Variants in EVL observed in about 807,000 individuals in gnomAD.
EVL encodes the protein Enah/Vasp-like.
Under a neutral mutation model 59.6 loss-of-function variants are expected in EVL, and 21 were observed. The ratio of observed to expected loss-of-function variants is 0.35; its 90% CI spans 0.25 to 0.51. The LOEUF (loss-of-function observed/expected upper bound fraction) is 0.51, where lower values mean the gene tolerates loss of function less well. Ranked by LOEUF, EVL falls within the 20% of genes least tolerant of loss-of-function variation. The pLI is 0.97. For synonymous variants in EVL, 198 were observed against 203.5 expected, an observed-to-expected ratio of 0.97 and a Z score of 0.23; for missense variants, 462 against 546.6, an observed-to-expected ratio of 0.85 and a Z score of 1.54.
At chr14:99,993,053 A>T (rs1211154656) in intron 1 of EVL, among the ~76,000 whole-genome samples, 1 of 147,752 alleles carries the variant, frequency 6.8e-6, no homozygotes, top group Non-Finnish European at 1.5e-5. Context: ...GGTGGCGTAT[A>T]ATCCTTTTTT....
chr14:100,001,017 AG>A (rs2060943018), intron 1 of EVL, among the ~76,000 whole-genome samples: 1 of 152,134 alleles, frequency 6.6e-6, no homozygotes, highest in Admixed American at 6.5e-5. Flanking sequence ...CAGGTTGAGA[AG>A]TCTCATGTCC....
chr14:100,080,140 G>A (rs116487633), intron 1 of EVL, among the ~76,000 whole-genome samples: 1,855 of 151,436 alleles, frequency 0.012, 32 homozygotes, highest in African/African-American at 0.043. Flanking sequence ...AGGGGTGTCC[G>A]ATCTTTTGGC....
intron 1 of EVL, among the ~76,000 whole-genome samples, chr14:100,056,659 T>C (rs750608837): frequency 5.4e-4 from 82 of 152,212 alleles, no homozygotes; most frequent in Middle Eastern, 3.2e-3. Flanking sequence ...TGTGGTCTAC[T>C]TCTGCTGCGG....
At chr14:100,053,973 A>T (rs2061686854) in intron 1 of EVL, among the ~76,000 whole-genome samples, 1 of 151,686 alleles carries the variant, frequency 6.6e-6, no homozygotes. Flanking sequence ...TTTTATCACA[A>T]AAGGAAGTTC....
At chr14:100,052,346 T>A (rs951149298) in intron 1 of EVL, among the ~76,000 whole-genome samples, 1 of 152,254 alleles carries the variant, frequency 6.6e-6, no homozygotes, top group Non-Finnish European at 1.5e-5. Context: ...TAAATTGCAT[T>A]TATAAATTTA....
chr14:100,010,160 C>T (rs2140192012), intron 1 of EVL, among the ~76,000 whole-genome samples: 1 of 152,244 alleles, frequency 6.6e-6, no homozygotes, highest in East Asian at 1.9e-4. Context: ...AGAGACTTTG[C>T]AGGGCAATTT....
intron 2 of EVL, among the ~76,000 whole-genome samples, chr14:100,095,304 C>T (rs1305042739): frequency 6.6e-6 from 1 of 152,136 alleles, no homozygotes; most frequent in African/African-American, 2.4e-5. Flanking sequence ...ACTAGAAATG[C>T]AACACCAAAA....
chr14:100,094,113 C>A (rs1464821363), intron 2 of EVL, among the ~76,000 whole-genome samples: 1 of 151,754 alleles, frequency 6.6e-6, no homozygotes, highest in Non-Finnish European at 1.5e-5. Flanking sequence ...GCGGGGACTA[C>A]CATACTGGCA....
intron 1 of EVL, among the ~76,000 whole-genome samples, chr14:99,996,195 G>C (rs2060912575): frequency 6.6e-6 from 1 of 151,976 alleles, no homozygotes. Flanking sequence ...CTGTGCTGGG[G>C]AGAGGCTGTG....
chr14:100,097,507 A>C lies in EVL; in HGVS notation c.207A>C (p.Lys69Asn). ...QQVVINYSIV[K>N]GLKYNQATPT... is the part of the protein sequence containing the mutation. ...TTGTGATCAATTATTCAATCGTGAA[A>C]GGGCTGAAGTACAATCAGGCCACGC... The change falls in exon 3 of 14, where the codon AAA (lysine) becomes AAC (asparagine). Residue 69 changes from lysine to asparagine, a missense_variant. By Grantham distance (94) the Lys-to-Asn change is moderately conservative. Coordinates refer to ENST00000392920, the MANE Select transcript of EVL (RefSeq NM_016337.3). 6.2e-7 allele frequency: 1 copy of C among 1,610,500 alleles called. No homozygotes were observed. The highest frequency in any genetic ancestry group is 8.5e-7 in the Non-Finnish European group (1 of 1,178,676).
intron 3 of EVL, among the ~76,000 whole-genome samples, chr14:100,100,020 A>C (rs988532667): frequency 6.6e-6 from 1 of 151,630 alleles, no homozygotes; most frequent in Non-Finnish European, 1.5e-5. Flanking sequence ...AAAAAAAAAA[A>C]ACACTTTCAG....
chr14:100,073,822 A>ACCG, intron 1 of EVL, among the ~76,000 whole-genome samples: 1 of 152,330 alleles, frequency 6.6e-6, no homozygotes, highest in Admixed American at 6.5e-5. Context: ...TACTAGAGCT[A>ACCG]CCGAGATGAA....
chr14:99,972,088 G>A lies in EVL; in HGVS notation c.5+31G>A. 1 of 318,016 alleles carries A rather than the reference G, an allele frequency of 3.1e-6. No individual in the cohort carries two copies. The highest frequency in any genetic ancestry group is 5.7e-6 in the Non-Finnish European group (1 of 174,334). 19.7% of individuals were successfully genotyped at this position (318,016 alleles called of 1,614,324 possible). On this transcript the variant is annotated intron_variant, in intron 1 of 13. Transcript: ENST00000402714. The surrounding 1 kb of genome is among the most constrained non-coding windows in gnomAD (Gnocchi z 4.4). ...TCGGGGCCGGCGCCTCGTGGGAGGT[G>A]GCAGCGGCCAGCGTCGGAGGGGCTG... is the stretch of plus-strand genomic sequence containing the variant.
chr14:100,047,450 C>G (rs2061571836), intron 1 of EVL, among the ~76,000 whole-genome samples: 1 of 152,132 alleles, frequency 6.6e-6, no homozygotes, highest in Non-Finnish European at 1.5e-5. Flanking sequence ...AGGATCCGTT[C>G]TTTCCACTGA....
chr14:100,028,140 T>TGTTG (rs202176816), intron 1 of EVL, among the ~76,000 whole-genome samples: 4 of 149,018 alleles, frequency 2.7e-5, no homozygotes, highest in Non-Finnish European at 4.5e-5. Context: ...GTTTGTTTTT[T>TGTTG]TTTTTTTTTT....
At chr14:100,126,674 G>A (rs375861143) in intron 4 of EVL, 33 bp from the exon 5 acceptor site, 17 of 1,612,248 alleles carry the variant, frequency 1.1e-5, no homozygotes, top group Non-Finnish European at 1.4e-5. Flanking sequence ...CAGAGTGGAG[G>A]AGTCAGACTG....
At chr14:99,988,763 C>T in intron 1 of EVL, among the ~76,000 whole-genome samples, 1 of 152,170 alleles carries the variant, frequency 6.6e-6, no homozygotes. Flanking sequence ...ACTGATATAA[C>T]ATGGATGAAC....
chr14:100,139,427 G>A (rs958785198), intron 11 of EVL: 1 of 152,418 alleles, frequency 6.6e-6, no homozygotes, highest in African/African-American at 2.4e-5. Context: ...TGTCAGGGCT[G>A]AGATGGAGAG....
At chr14:99,994,954 C>T (rs534599989) in intron 1 of EVL, among the ~76,000 whole-genome samples, 2 of 152,302 alleles carry the variant, frequency 1.3e-5, no homozygotes, top group East Asian at 1.9e-4. Flanking sequence ...TTCCTTTCAG[C>T]ACTTTGAATA....
Sources: gnomAD v4.1 joint callset for allele counts (sites outside exome capture counted in the v4.1 genomes callset) on GRCh38, gnomAD v4.1.1 for gene constraint, Gnocchi (gnomAD v3.1) non-coding constraint, MANE v1.5 for transcripts, NCBI Gene and HGNC (gene_info 2026-07-23, HGNC 2026-07-21) for gene names.